Variants in AFF3 observed in about 807,000 individuals in gnomAD.
AFF3 encodes the protein ALF transcription elongation factor 3, also known as AF4/FMR2 family member 3.
In AFF3, 32 loss-of-function variants were observed where a neutral mutation model predicts 129.7. The ratio of observed to expected loss-of-function variants is 0.25; its 90% CI spans 0.19 to 0.33. The LOEUF (loss-of-function observed/expected upper bound fraction) is 0.33. Ranked by LOEUF, AFF3 falls within the 10% of genes least tolerant of loss-of-function variation. AFF3 has a pLI of 1.00. For synonymous variants in AFF3, 644 were observed against 635.4 expected, an observed-to-expected ratio of 1.01 and a Z score of -0.20; for missense variants, 1,373 against 1,592.0, an observed-to-expected ratio of 0.86 and a Z score of 2.34.
chr2:99,634,844 G>C (rs1683469587), intron 13 of AFF3, among the ~76,000 whole-genome samples: 1 of 151,768 alleles, frequency 6.6e-6, no homozygotes, highest in Non-Finnish European at 1.5e-5. Flanking sequence ...GTGTGTTCTT[G>C]CAAGCAGCCC....
At chr2:99,781,896 GA>G (rs150632454) in intron 8 of AFF3, among the ~76,000 whole-genome samples, 2,783 of 149,040 alleles carry the variant, frequency 0.019, 36 homozygotes, top group African/African-American at 0.04. Context: ...TCCAAATAAA[GA>G]AAAAAAAAAT....
chr2:99,848,922 C>T (rs562832134), intron 7 of AFF3, among the ~76,000 whole-genome samples: 5 of 152,198 alleles, frequency 3.3e-5, no homozygotes, highest in African/African-American at 7.2e-5. Context: ...AGAGGACACT[C>T]GGAAACCTAG....
At chr2:99,937,482 T>C (rs1426706302) in intron 7 of AFF3, among the ~76,000 whole-genome samples, 1 of 152,186 alleles carries the variant, frequency 6.6e-6, no homozygotes, top group African/African-American at 2.4e-5. Context: ...CACTGCAACC[T>C]ACGCCTCCCA....
intron 4 of AFF3, among the ~76,000 whole-genome samples, chr2:100,065,368 ATAAAGT>A (rs1687627663): frequency 6.6e-6 from 1 of 152,212 alleles, no homozygotes; most frequent in Admixed American, 6.5e-5. Context: ...TTTATTGTTA[ATAAAGT>A]TAATCAAATT....
chr2:99,797,418 A>G (rs1048290523), intron 8 of AFF3, among the ~76,000 whole-genome samples: 1 of 152,148 alleles, frequency 6.6e-6, no homozygotes, highest in Non-Finnish European at 1.5e-5. Context: ...AAAAAAGAGC[A>G]TAAGTAAACT....
chr2:99,872,207 C>CAA (rs397871895), intron 7 of AFF3, among the ~76,000 whole-genome samples: 141 of 61,636 alleles, frequency 2.3e-3, no homozygotes, highest in Admixed American at 2.9e-3. Context: ...GACTCCATCT[C>CAA]AAAAAAAAAA....
intron 7 of AFF3, among the ~76,000 whole-genome samples, chr2:99,970,795 C>T (rs1678287093): frequency 6.6e-6 from 1 of 152,198 alleles, no homozygotes; most frequent in Admixed American, 6.5e-5. Flanking sequence ...AGAGCCTGAA[C>T]CACTGTGCGG....
At chr2:99,903,427 G>A (rs865853893) in intron 7 of AFF3, among the ~76,000 whole-genome samples, 9 of 152,084 alleles carry the variant, frequency 5.9e-5, no homozygotes, top group South Asian at 4.1e-4. Context: ...AATGAAATAG[G>A]TATGTATCTT....
intron 7 of AFF3, among the ~76,000 whole-genome samples, chr2:99,909,712 A>C (rs1694985708): frequency 6.6e-6 from 1 of 152,206 alleles, no homozygotes; most frequent in African/African-American, 2.4e-5. Flanking sequence ...GTGAAAACCA[A>C]GAATGTGGCA....
chr2:99,907,725 G>A (rs963795316), intron 7 of AFF3, among the ~76,000 whole-genome samples: 17 of 151,764 alleles, frequency 1.1e-4, no homozygotes, highest in African/African-American at 3.4e-4. Flanking sequence ...TGCAACCTCC[G>A]CCTCCCAGGT....
At chr2:99,709,766 C>T (rs1175077386) in intron 11 of AFF3, among the ~76,000 whole-genome samples, 1 of 152,146 alleles carries the variant, frequency 6.6e-6, no homozygotes, top group African/African-American at 2.4e-5. Context: ...CTCCCAGAAA[C>T]TCCACAAGCA....
intron 11 of AFF3, chr2:99,707,365 T>C (rs1677499547): frequency 8.1e-6 from 8 of 985,264 alleles, no homozygotes; most frequent in Non-Finnish European, 9.6e-6. Context: ...AAAAAAGCCA[T>C]CTTCATGCTT....
At chr2:99,826,648 G>T (rs984716922) in intron 8 of AFF3, among the ~76,000 whole-genome samples, 1 of 152,116 alleles carries the variant, frequency 6.6e-6, no homozygotes, top group African/African-American at 2.4e-5. Flanking sequence ...CAGTGGTTAC[G>T]CCTGCAGAAG....
At chr2:100,128,257 C>T (rs1692283508) in intron 2 of AFF3, among the ~76,000 whole-genome samples, 1 of 152,220 alleles carries the variant, frequency 6.6e-6, no homozygotes, top group South Asian at 2.1e-4. Flanking sequence ...CTTGTTTTCA[C>T]TTGACTCTGT....
rs111888062 is a variant in AFF3 at position 99,934,156 on chromosome 2, T to C, written c.873+72476A>G. On this transcript the variant is annotated intron_variant, in intron 7 of 24. Transcript: ENST00000672756. ...CGAATCTCACCACCAGAGGTGCCCT[T>C]GGACTGGGACTCAGGTCACTTCTTT... 9.6e-4 allele frequency among the ~76,000 whole-genome samples: 146 copies of C among 152,312 alleles called. 3 individuals are homozygous for C. Among genetic ancestry groups the C allele is most frequent in the Non-Finnish European group, 8.8e-4 (60 of 68,024 alleles).
intron 7 of AFF3, among the ~76,000 whole-genome samples, chr2:99,844,556 G>T (rs917055350): frequency 4.2e-5 from 6 of 144,414 alleles, no homozygotes; most frequent in African/African-American, 1.5e-4. Flanking sequence ...TCCTGCCTCA[G>T]CCTCCTGAGC....
intron 4 of AFF3, among the ~76,000 whole-genome samples, chr2:100,076,277 A>T (rs2105329257): frequency 6.6e-6 from 1 of 152,210 alleles, no homozygotes; most frequent in South Asian, 2.1e-4. Flanking sequence ...TTAAAATGTC[A>T]CCCTTGAGAT....
At chr2:99,617,166 T>C (rs919488198) in intron 13 of AFF3, among the ~76,000 whole-genome samples, 1 of 152,248 alleles carries the variant, frequency 6.6e-6, no homozygotes, top group African/African-American at 2.4e-5. Flanking sequence ...CTCTTGGGTA[T>C]ATACATAAAA....
chr2:99,736,169 C>A (rs1467601094), intron 10 of AFF3, among the ~76,000 whole-genome samples: 1 of 152,124 alleles, frequency 6.6e-6, no homozygotes, highest in East Asian at 1.9e-4. Context: ...TGTATCCTTA[C>A]TAATTTTTCT....
Sources: gnomAD v4.1 joint callset for allele counts (sites outside exome capture counted in the v4.1 genomes callset) on GRCh38, gnomAD v4.1.1 for gene constraint, MANE v1.5 for transcripts, NCBI Gene and HGNC (gene_info 2026-07-23, HGNC 2026-07-21) for gene names.